SHE: variants seen among roughly 807,000 people sequenced by gnomAD.
SHE encodes the protein SH2 domain-containing adapter protein E.
Under a neutral mutation model 49.8 loss-of-function variants are expected in SHE, and 11 were observed. The observed-to-expected ratio is 0.22, with a 90% CI of 0.14 to 0.37. The LOEUF is 0.37. Ranked by LOEUF, SHE falls within the 10% of genes least tolerant of loss-of-function variation. SHE has a pLI of 1.00. For synonymous variants in SHE, 310 were observed against 278.1 expected, an observed-to-expected ratio of 1.11 and a Z score of -1.14; for missense variants, 624 against 655.5, an observed-to-expected ratio of 0.95 and a Z score of 0.52.
chr1:154,498,889 T>A (rs952147559), intron 2 of SHE, among the ~76,000 whole-genome samples: 2 of 152,192 alleles, frequency 1.3e-5, no homozygotes, highest in African/African-American at 4.8e-5. Flanking sequence ...TAGAAAAACT[T>A]TGAAGACTCC....
At chr1:154,478,955 C>T (rs1048785067), downstream of SHE, among the ~76,000 whole-genome samples, 1 of 152,318 alleles carries the variant, frequency 6.6e-6, no homozygotes, top group South Asian at 2.1e-4. Context: ...GCAGACTCAA[C>T]AGTATGCCCT....
At chr1:154,490,530 T>C (rs965114395) in intron 2 of SHE, among the ~76,000 whole-genome samples, 2 of 152,158 alleles carry the variant, frequency 1.3e-5, no homozygotes, top group African/African-American at 4.8e-5. Context: ...AAATGGAAGA[T>C]GAGTTGACTT....
intron 2 of SHE, among the ~76,000 whole-genome samples, chr1:154,489,978 T>C (rs1692314163): frequency 6.6e-6 from 1 of 152,264 alleles, no homozygotes; most frequent in Admixed American, 6.5e-5. Flanking sequence ...TGGCTGTATG[T>C]GACTCGAAGT....
intron 1 of SHE, among the ~76,000 whole-genome samples, chr1:154,501,084 A>G (rs1692714134): frequency 6.6e-6 from 1 of 152,208 alleles, no homozygotes; most frequent in Admixed American, 6.5e-5. Context: ...GTCATACACA[A>G]GCCTAGCTTT....
chr1:154,499,313 T>C, intron 1 of SHE, 75 bp from the exon 2 acceptor site: 1 of 1,514,268 alleles, frequency 6.6e-7, no homozygotes, highest in Admixed American at 1.9e-5. Flanking sequence ...AAATGGCTAC[T>C]GACATCTCCT....
At chr1:154,501,147 A>T (rs1362779867) in intron 1 of SHE, among the ~76,000 whole-genome samples, 2 of 152,236 alleles carry the variant, frequency 1.3e-5, no homozygotes, top group Non-Finnish European at 2.9e-5. Context: ...AAAGGGGTCA[A>T]ATGTAACCAA....
chr1:154,496,437 A>G (rs1266869192), intron 2 of SHE, among the ~76,000 whole-genome samples: 3 of 152,250 alleles, frequency 2.0e-5, no homozygotes, highest in Admixed American at 6.5e-5. Context: ...TTATTATTAC[A>G]TTTATTCCAT....
intron 2 of SHE, among the ~76,000 whole-genome samples, chr1:154,491,413 C>T (rs906541511): frequency 2.0e-5 from 3 of 152,186 alleles, no homozygotes; most frequent in African/African-American, 2.4e-5. Context: ...TTGAGCCCAC[C>T]GGTGTCCTGG....
chr1:154,483,128 A>G lies in SHE; in HGVS notation c.*1021T>C. 1.0e-6 allele frequency: 1 copy of G among 984,830 alleles called. No individual in the cohort carries two copies. The highest frequency in any genetic ancestry group is 5.2e-4 in the Middle Eastern group (1 of 1,912). 61.0% of individuals were successfully genotyped at this position (984,830 alleles called of 1,614,324 possible). A position where few individuals can be genotyped will look rare whatever the true frequency, so the allele number is the denominator to read the frequency against. Reference sequence around the variant, plus strand: ...TATTCTATAATTCAGAATTCTAATAATGATGCCAATGCCTAATGATATTGG... The same window carrying G: ...TATTCTATAATTCAGAATTCTAATAGTGATGCCAATGCCTAATGATATTGG... On this transcript the variant is annotated 3_prime_UTR_variant, in exon 6 of 6. Coordinates refer to ENST00000304760, the MANE Select transcript of SHE (RefSeq NM_001010846.3).
Position 154,483,917 on chromosome 1 carries a change from G to T in SHE, c.*232C>A. The stretch of plus-strand genomic sequence containing the variant: ...GGAGGCTGATGGGGAAGAACTGCTT[G>T]AACCCAGGAGTCAGATGTTGCAGTG... On this transcript the variant is annotated 3_prime_UTR_variant, in exon 6 of 6. Coordinates refer to ENST00000304760, the MANE Select transcript of SHE (RefSeq NM_001010846.3). 8.1e-7 allele frequency: 1 copy of T among 1,232,310 alleles called. No individual in the cohort carries two copies. Among genetic ancestry groups the T allele is most frequent in the Non-Finnish European group, 1.0e-6 (1 of 957,852 alleles). The allele number at this position is 1,232,310 out of a possible 1,614,324, so 76.3% of individuals were successfully genotyped here.
At chr1:154,479,457 C>G (rs968964748), downstream of SHE, 1 of 973,780 alleles carries the variant, frequency 1.0e-6, no homozygotes, top group African/African-American at 1.8e-5. Context: ...TCAGAGCTAA[C>G]TGAATTAAGC....
intron 2 of SHE, among the ~76,000 whole-genome samples, chr1:154,496,111 T>C (rs994493175): frequency 1.3e-5 from 2 of 152,228 alleles, no homozygotes; most frequent in Non-Finnish European, 2.9e-5. Flanking sequence ...ATAAACTCAC[T>C]TCCTGTTATT....
At position 154,480,033 on chromosome 1, in the gene SHE, T is replaced by G. The variant is rs997832050; in HGVS notation, c.*4116A>C. On this transcript the variant is annotated 3_prime_UTR_variant, in exon 6 of 6. Coordinates refer to ENST00000304760, the MANE Select transcript of SHE (RefSeq NM_001010846.3). Reference sequence around the variant, plus strand: ...TTAGATGGCAGTAACGCACCATCTCTCTTCACACAGGGTCAGCGGTGGAGG... The same window carrying G: ...TTAGATGGCAGTAACGCACCATCTCGCTTCACACAGGGTCAGCGGTGGAGG... 2.0e-6 allele frequency: 2 copies of G among 985,376 alleles called. No individual in the cohort carries two copies. Among genetic ancestry groups the G allele is most frequent in the African/African-American group, 1.7e-5 (1 of 57,224 alleles). The allele number at this position is 985,376 out of a possible 1,614,324, so 61.0% of individuals were successfully genotyped here.
chr1:154,476,309 G>A (rs528936547), downstream of SHE, among the ~76,000 whole-genome samples: 3 of 152,178 alleles, frequency 2.0e-5, no homozygotes, highest in South Asian at 2.1e-4. Context: ...TAACACCATC[G>A]CACTCCTGCC....
intron 3 of SHE, among the ~76,000 whole-genome samples, chr1:154,487,516 C>T (rs1160790301): frequency 6.6e-6 from 1 of 151,908 alleles, no homozygotes; most frequent in African/African-American, 2.4e-5. Context: ...GCACCTGGCA[C>T]AGGACTGAGC....
chr1:154,479,539 G>C lies in SHE; in HGVS notation c.*4610C>G, dbSNP rs2149288656. On this transcript the variant is annotated 3_prime_UTR_variant, in exon 6 of 6. Transcript: ENST00000304760. ...TTCAGAGGAAACTATCTTCAGGAGG[G>C]CATGAAGCCTATATTGGCTACTGCA... 1 of 984,894 alleles carries C rather than the reference G, an allele frequency of 1.0e-6. No homozygotes were observed. The highest frequency in any genetic ancestry group is 1.1e-4 in the East Asian group (1 of 8,812). The allele number at this position is 984,894 out of a possible 1,614,324, so 61.0% of individuals were successfully genotyped here. A position where few individuals can be genotyped will look rare whatever the true frequency, so the allele number is the denominator to read the frequency against.
chr1:154,470,158 G>T, exon 2 of SHE: 1 of 423,200 alleles, frequency 2.4e-6, no homozygotes, highest in Non-Finnish European at 4.3e-6. Context: ...TCCTCTTTGA[G>T]GCTGGTCCTT....
At chr1:154,501,248 G>A (rs956040436) in intron 1 of SHE, among the ~76,000 whole-genome samples, 188 bp downstream of exon 1, 18 of 152,208 alleles carry the variant, frequency 1.2e-4, no homozygotes, top group Non-Finnish European at 2.2e-4. Flanking sequence ...TCTAAAATAA[G>A]AGTTTTTCAA....
At chr1:154,487,521 C>T (rs568585035) in intron 3 of SHE, among the ~76,000 whole-genome samples, 1 of 151,976 alleles carries the variant, frequency 6.6e-6, no homozygotes, top group Admixed American at 6.6e-5. Context: ...TGGCACAGGA[C>T]TGAGCAGGTA....
Sources: gnomAD v4.1 joint callset for allele counts (sites outside exome capture counted in the v4.1 genomes callset) on GRCh38, gnomAD v4.1.1 for gene constraint, MANE v1.5 for transcripts, NCBI Gene and HGNC (gene_info 2026-07-23, HGNC 2026-07-21) for gene names.